Variants in STAU2 observed in about 807,000 individuals in gnomAD.
The protein encoded by STAU2 is staufen double-stranded RNA binding protein 2, also known as double-stranded RNA-binding protein Staufen homolog 2.
In STAU2, 20 loss-of-function variants were observed where a neutral mutation model predicts 65.9. The observed-to-expected ratio is 0.30, with a 90% CI of 0.21 to 0.44. The LOEUF (loss-of-function observed/expected upper bound fraction) is 0.44. Ranked by LOEUF, STAU2 falls within the 20% of genes least tolerant of loss-of-function variation. The pLI, the probability that STAU2 is intolerant of heterozygous loss-of-function variation, is 1.00. For missense variants in STAU2, 558 were observed against 683.9 expected (o/e 0.82, Z 2.05); for synonymous variants, 232 against 233.9 (o/e 0.99, Z 0.07).
intron 3 of STAU2, among the ~76,000 whole-genome samples, chr8:73,729,891 C>T (rs1364244518): frequency 6.6e-6 from 1 of 152,292 alleles, no homozygotes; most frequent in Non-Finnish European, 1.5e-5. Flanking sequence ...CCCACACTCA[C>T]GTCTAGTTTT....
chr8:73,697,076 C>A (rs1454286919), intron 4 of STAU2, among the ~76,000 whole-genome samples: 6 of 140,080 alleles, frequency 4.3e-5, no homozygotes, highest in Admixed American at 7.0e-5. Context: ...TGTTTTGAAA[C>A]AGAGTCTCAC....
rs546484504 is a variant in STAU2 at position 73,501,301 on chromosome 8, T to G, written c.1530+50711A>C. On this transcript the variant is annotated intron_variant, in intron 13 of 14. Coordinates refer to ENST00000524300, the MANE Select transcript of STAU2 (RefSeq NM_001164380.2). Reference sequence around the variant, plus strand: ...ACCATGTACTTTAGGCCTTCAAAATTTATCTTGAGTAACATTAGGCTTTTA... The same window carrying G: ...ACCATGTACTTTAGGCCTTCAAAATGTATCTTGAGTAACATTAGGCTTTTA... Among the ~76,000 whole-genome samples, 6 of 152,032 alleles carry G rather than the reference T, an allele frequency of 3.9e-5. No homozygotes were observed. In the South Asian group the frequency reaches 1.0e-3, roughly 26 times the overall value.
chr8:73,488,750 A>G (rs75410393), intron 13 of STAU2, among the ~76,000 whole-genome samples: 1,585 of 151,966 alleles, frequency 0.01, 19 homozygotes, highest in South Asian at 0.019. Flanking sequence ...AAACTAATCA[A>G]GATTGATCTC....
At chr8:73,668,721 T>A (rs1308020910) in intron 6 of STAU2, among the ~76,000 whole-genome samples, 3 of 151,474 alleles carry the variant, frequency 2.0e-5, no homozygotes, top group African/African-American at 7.3e-5. Flanking sequence ...TTGTCAAACA[T>A]CTTGGGCATA....
intron 4 of STAU2, among the ~76,000 whole-genome samples, chr8:73,692,816 T>C (rs956187485): frequency 2.0e-5 from 3 of 152,162 alleles, no homozygotes; most frequent in Admixed American, 6.5e-5. Flanking sequence ...ATGGGGACAA[T>C]TGCAGAATTC....
intron 12 of STAU2, among the ~76,000 whole-genome samples, chr8:73,560,780 T>TA (rs1175882885): frequency 7.2e-5 from 11 of 152,026 alleles, no homozygotes; most frequent in African/African-American, 2.7e-4. Flanking sequence ...TGAACAGAAA[T>TA]AACAGCAATA....
chr8:73,657,061 C>A (rs1358345625), intron 6 of STAU2, among the ~76,000 whole-genome samples: 3 of 152,194 alleles, frequency 2.0e-5, no homozygotes, highest in Non-Finnish European at 4.4e-5. Flanking sequence ...AATAATGCAG[C>A]AGCCACCTGA....
At chr8:73,535,056 G>A (rs963840002) in intron 13 of STAU2, among the ~76,000 whole-genome samples, 13 of 152,144 alleles carry the variant, frequency 8.5e-5, no homozygotes, top group Admixed American at 2.0e-4. Context: ...TGCAAGCCAC[G>A]GATAAAAATT....
chr8:73,645,390 C>T (rs1204588539), intron 6 of STAU2, among the ~76,000 whole-genome samples: 1 of 152,066 alleles, frequency 6.6e-6, no homozygotes, highest in Admixed American at 6.5e-5. Context: ...AAATTCAACA[C>T]CCATTCACGA....
At chr8:73,651,566 TG>T in intron 6 of STAU2, 3 of 836,002 alleles carry the variant, frequency 3.6e-6, no homozygotes, top group Non-Finnish European at 5.9e-6. Flanking sequence ...GCTGTGCCCT[TG>T]GGCACCCCTG....
At chr8:73,625,558 T>C (rs1007258910) in intron 6 of STAU2, among the ~76,000 whole-genome samples, 1 of 152,112 alleles carries the variant, frequency 6.6e-6, no homozygotes, top group African/African-American at 2.4e-5. Flanking sequence ...GGATGGAGTT[T>C]GAGGAGTAAC....
At chr8:73,443,863 A>G (rs1234471825) in intron 13 of STAU2, among the ~76,000 whole-genome samples, 1 of 150,900 alleles carries the variant, frequency 6.6e-6, no homozygotes, top group African/African-American at 2.4e-5. Context: ...AAAAAAAAAA[A>G]GTAGTGACTT....
intron 12 of STAU2, among the ~76,000 whole-genome samples, chr8:73,563,747 C>T (rs1337205822): frequency 2.6e-5 from 4 of 152,098 alleles, no homozygotes; most frequent in African/African-American, 4.8e-5. Flanking sequence ...CTCCTGGCCT[C>T]CCACTTCAAC....
chr8:73,439,232 G>C, intron 13 of STAU2: 1 of 353,246 alleles, frequency 2.8e-6, no homozygotes, highest in Non-Finnish European at 5.6e-6. Context: ...GCTGGCAGGA[G>C]CTGCTCCAGC....
At position 73,447,126 on chromosome 8, in the gene STAU2, A is replaced by C. The variant is rs143586297; in HGVS notation, c.1531-24424T>G. 2.6e-3 allele frequency among the ~76,000 whole-genome samples: 396 copies of C among 151,890 alleles called. 1 individual carries two copies. Among genetic ancestry groups the C allele is most frequent in the African/African-American group, 9.1e-3 (376 of 41,434 alleles). On this transcript the variant is annotated intron_variant, in intron 13 of 14. Coordinates refer to ENST00000524300, the MANE Select transcript of STAU2 (RefSeq NM_001164380.2). ...ACGTCCGGCTAATTTTTGTATTTTC[A>C]GTAGAGACAGGGTTTCACCGTATTG...
At chr8:73,505,680 G>T (rs1240220627) in intron 13 of STAU2, among the ~76,000 whole-genome samples, 1 of 152,048 alleles carries the variant, frequency 6.6e-6, no homozygotes, top group Non-Finnish European at 1.5e-5. Context: ...CCTTATAATA[G>T]AAGCTTAGAA....
At chr8:73,591,434 CA>C (rs112942379) in intron 11 of STAU2, among the ~76,000 whole-genome samples, 1,770 of 152,052 alleles carry the variant, frequency 0.012, 34 homozygotes, top group African/African-American at 0.04. Context: ...CAAAGTTTGT[CA>C]AATTAAATTT....
At chr8:73,449,656 G>C (rs1045122552) in intron 13 of STAU2, among the ~76,000 whole-genome samples, 1 of 152,176 alleles carries the variant, frequency 6.6e-6, no homozygotes, top group Non-Finnish European at 1.5e-5. Flanking sequence ...GTCTGCCCTG[G>C]GGCTGGGTGG....
At chr8:73,565,691 T>C (rs989820813) in intron 12 of STAU2, among the ~76,000 whole-genome samples, 11 of 152,210 alleles carry the variant, frequency 7.2e-5, no homozygotes, top group South Asian at 4.1e-4. Flanking sequence ...CACCCCACAT[T>C]GAGTAAACAA....
Sources: allele counts gnomAD v4.1 joint callset (sites outside exome capture counted in the v4.1 genomes callset), GRCh38; gene constraint gnomAD v4.1.1; transcripts MANE v1.5; gene names NCBI Gene and HGNC (gene_info 2026-07-23, HGNC 2026-07-21).